Variants in ACOT7 observed in about 807,000 individuals in gnomAD.
ACOT7 encodes the protein cytosolic acyl coenzyme A thioester hydrolase.
ACOT7 carries 12 observed loss-of-function variants against 40.2 expected under a neutral mutation model. That is an observed-to-expected ratio of 0.30 (90% CI 0.19 to 0.48). The LOEUF is 0.48. Ranked by LOEUF, ACOT7 falls within the 20% of genes least tolerant of loss-of-function variation. ACOT7 has a pLI of 0.99. For missense variants in ACOT7, 395 were observed against 530.8 expected, an observed-to-expected ratio of 0.74 and a Z score of 2.51; for synonymous variants, 228 against 219.5, an observed-to-expected ratio of 1.04 and a Z score of -0.34.
chr1:6,356,436 AC>A (rs1277446498), intron 1 of ACOT7, among the ~76,000 whole-genome samples: 3 of 151,532 alleles, frequency 2.0e-5, no homozygotes, highest in Non-Finnish European at 4.4e-5. Context: ...CCAGCTCAGC[AC>A]CCTCAGCCCC....
intron 4 of ACOT7, among the ~76,000 whole-genome samples, chr1:6,332,069 T>C (rs1557654639): frequency 6.6e-6 from 1 of 152,222 alleles, no homozygotes; most frequent in Non-Finnish European, 1.5e-5. Flanking sequence ...GAACCAAGGC[T>C]GCCGGCAGCG....
chr1:6,382,633 T>G (rs900045082), intron 1 of ACOT7, among the ~76,000 whole-genome samples: 1 of 151,472 alleles, frequency 6.6e-6, no homozygotes, highest in Non-Finnish European at 1.5e-5. Context: ...CTGGCCAACA[T>G]GGCGAAATCC....
intron 5 of ACOT7, among the ~76,000 whole-genome samples, chr1:6,325,630 G>A (rs1640776419): frequency 6.6e-6 from 1 of 152,122 alleles, no homozygotes; most frequent in Non-Finnish European, 1.5e-5. Flanking sequence ...GTTGAGGCTG[G>A]AGCACAGACT....
At chr1:6,372,554 CTT>C (rs563026803) in intron 1 of ACOT7, among the ~76,000 whole-genome samples, 23 of 128,522 alleles carry the variant, frequency 1.8e-4, no homozygotes, top group Admixed American at 1.6e-4. Context: ...TAACTTTTGG[CTT>C]TTTTTTTTTT....
At chr1:6,314,718 G>A (rs1421563341) in intron 6 of ACOT7, among the ~76,000 whole-genome samples, 2 of 152,124 alleles carry the variant, frequency 1.3e-5, no homozygotes, top group East Asian at 3.9e-4. Context: ...GAAACCAAAA[G>A]CCCAGTTTGC....
chr1:6,354,193 C>G (rs2148459780), intron 1 of ACOT7, among the ~76,000 whole-genome samples: 1 of 152,274 alleles, frequency 6.6e-6, no homozygotes, highest in East Asian at 1.9e-4. Context: ...TGGCATCCAG[C>G]TGATGACAAG....
intron 1 of ACOT7, among the ~76,000 whole-genome samples, chr1:6,353,003 C>T (rs1445708462): frequency 2.6e-5 from 4 of 152,218 alleles, no homozygotes; most frequent in African/African-American, 4.8e-5. Context: ...CTCAGCCTTC[C>T]GAGTAAGTGG....
Position 6,311,284 on chromosome 1 carries a change from T to C in ACOT7, c.712+7208A>G, listed in dbSNP as rs953846471. ...CTTTTCTAAGCCAGAGAACAACCCA[T>C]GCCCTCCCTCCATTCCCCTCACGCT... On this transcript the variant is annotated intron_variant, in intron 6 of 8. Transcript: ENST00000361521. The surrounding 1 kb of genome is among the most constrained non-coding windows in gnomAD (Gnocchi z 5.2). 2.0e-5 allele frequency among the ~76,000 whole-genome samples: 3 copies of C among 152,186 alleles called. No homozygotes were observed. Among genetic ancestry groups the C allele is most frequent in the Admixed American group, 6.5e-5 (1 of 15,274 alleles).
intron 7 of ACOT7, among the ~76,000 whole-genome samples, chr1:6,292,371 C>A (rs982345667): frequency 6.6e-6 from 1 of 152,218 alleles, no homozygotes; most frequent in African/African-American, 2.4e-5. Context: ...GCCCTCACTG[C>A]GTGAAGGAAG....
At position 6,274,699 on chromosome 1, in the gene ACOT7, C is replaced by T. The variant is rs1358209772; in HGVS notation, c.1014+6403G>A. ...TCAAACTGGAGTGGAAAACTTTCCA[C>T]TAAAATGTGCCCCAACCCCCACACT... On this transcript the variant is annotated intron_variant, in intron 8 of 8. Transcript: ENST00000361521. This position sits in a 1 kb window ranked among gnomAD's most constrained non-coding sequence, Gnocchi z 5.9. 1.3e-5 allele frequency among the ~76,000 whole-genome samples: 2 copies of T among 152,218 alleles called. No homozygotes were observed. The highest frequency in any genetic ancestry group is 2.9e-5 in the Non-Finnish European group (2 of 68,032).
chr1:6,273,780 C>T (rs1258513708), intron 8 of ACOT7, among the ~76,000 whole-genome samples: 2 of 152,274 alleles, frequency 1.3e-5, no homozygotes, highest in African/African-American at 4.8e-5. Flanking sequence ...AGTGCAGAGG[C>T]TGCGCGCGGC....
chr1:6,313,778 G>A (rs4908879), intron 6 of ACOT7, among the ~76,000 whole-genome samples: 10,464 of 152,088 alleles, frequency 0.069, 394 homozygotes, highest in Non-Finnish European at 0.088. Flanking sequence ...GCTGCCTATC[G>A]GCTGTGGATC....
At chr1:6,335,173 A>C (rs901141247) in intron 3 of ACOT7, among the ~76,000 whole-genome samples, 42 of 152,034 alleles carry the variant, frequency 2.8e-4, no homozygotes, top group African/African-American at 1.0e-3. Context: ...TCTACTAAAA[A>C]TACAAAAATT....
At chr1:6,297,831 G>A (rs1041070208) in intron 6 of ACOT7, among the ~76,000 whole-genome samples, 1 of 152,166 alleles carries the variant, frequency 6.6e-6, no homozygotes, top group African/African-American at 2.4e-5. Flanking sequence ...GGCAGGTGTT[G>A]CCCATTGCTG....
At chr1:6,323,029 C>T (rs181571527) in intron 5 of ACOT7, among the ~76,000 whole-genome samples, 1 of 151,970 alleles carries the variant, frequency 6.6e-6, no homozygotes, top group Non-Finnish European at 1.5e-5. Context: ...ACTTGGGAGG[C>T]TAAGGCAGGA....
chr1:6,267,021 G>A (rs1429395133), intron 8 of ACOT7, among the ~76,000 whole-genome samples: 3 of 152,194 alleles, frequency 2.0e-5, no homozygotes, highest in Non-Finnish European at 4.4e-5. Context: ...CCCTCGGCTC[G>A]GGTCCTCCCT....
intron 5 of ACOT7, among the ~76,000 whole-genome samples, chr1:6,324,815 C>G (rs1640753468): frequency 6.6e-6 from 1 of 152,230 alleles, no homozygotes; most frequent in Non-Finnish European, 1.5e-5. Flanking sequence ...TCTCAAGATC[C>G]TTAATTTAAC....
At chr1:6,323,988 C>A (rs80012119) in intron 5 of ACOT7, among the ~76,000 whole-genome samples, 1 of 151,848 alleles carries the variant, frequency 6.6e-6, no homozygotes, top group Non-Finnish European at 1.5e-5. Flanking sequence ...GGTCCTCCCA[C>A]GGGATGGGAT....
chr1:6,364,479 T>C (rs1027396162), intron 1 of ACOT7, among the ~76,000 whole-genome samples: 3 of 147,594 alleles, frequency 2.0e-5, no homozygotes, highest in Admixed American at 6.9e-5. Context: ...AGGCAGAAGT[T>C]GCAGTGAGCC....
Sources: gnomAD v4.1 joint callset for allele counts (sites outside exome capture counted in the v4.1 genomes callset) on GRCh38, gnomAD v4.1.1 for gene constraint, Gnocchi (gnomAD v3.1) non-coding constraint, MANE v1.5 for transcripts, NCBI Gene and HGNC (gene_info 2026-07-23, HGNC 2026-07-21) for gene names.